The following AP1S3 variants were observed in gnomAD, a reference collection of about 807,000 sequenced individuals.
AP1S3 encodes adaptor related protein complex 1 subunit sigma 3.
Under a neutral mutation model 20.9 loss-of-function variants are expected in AP1S3, and 10 were observed. The ratio of observed to expected loss-of-function variants is 0.48; its 90% CI spans 0.29 to 0.81. AP1S3 has a LOEUF of 0.81. Ranked by LOEUF, AP1S3 falls within the 30% of genes least tolerant of loss-of-function variation. The pLI, the probability that AP1S3 is intolerant of heterozygous loss-of-function variation, is 0.08. For missense variants in AP1S3, 154 were observed against 183.8 expected, an observed-to-expected ratio of 0.84 and a Z score of 0.94; for synonymous variants, 41 against 61.5, an observed-to-expected ratio of 0.67 and a Z score of 1.56.
At chr2:223,760,051 C>T (rs1281265582) in intron 4 of AP1S3, among the ~76,000 whole-genome samples, 2 of 152,042 alleles carry the variant, frequency 1.3e-5, no homozygotes, top group South Asian at 2.1e-4. Context: ...AACAGACTCA[C>T]AATTACAGGT....
chr2:223,770,135 A>G, intron 3 of AP1S3: 1 of 1,515,066 alleles, frequency 6.6e-7, no homozygotes, highest in Non-Finnish European at 8.8e-7. Flanking sequence ...AGAAACAAAA[A>G]GAAATCACAA....
chr2:223,763,182 G>T (rs1367578700), intron 4 of AP1S3, among the ~76,000 whole-genome samples: 1 of 152,104 alleles, frequency 6.6e-6, no homozygotes, highest in Non-Finnish European at 1.5e-5. Flanking sequence ...TCACCATAGG[G>T]ACACCAGGGC....
At chr2:223,780,337 AGAGAGAGAGAGAGAGAGAGAGTGT>A (rs1559280803) in intron 1 of AP1S3, among the ~76,000 whole-genome samples, 12 of 125,306 alleles carry the variant, frequency 9.6e-5, no homozygotes, top group African/African-American at 4.0e-4. Context: ...AGAGAGAGAG[AGAGAGAGAGAGAGAGAGAGAGTGT>A]GTGTGTGTGT....
Position 223,772,102 on chromosome 2 carries a change from C to T in AP1S3, c.291+3799G>A, listed in dbSNP as rs184980355. ...AGCCTGGGCAACAAGAGCGAGACTCCGTCTCAAAAAAATAAATAAATAAAA... is the reference window on the plus strand; with the variant it reads ...AGCCTGGGCAACAAGAGCGAGACTCTGTCTCAAAAAAATAAATAAATAAAA... On this transcript the variant is annotated intron_variant, in intron 3 of 4. Coordinates refer to ENST00000396654, the MANE Select transcript of AP1S3 (RefSeq NM_001039569.2). 7.2e-4 allele frequency among the ~76,000 whole-genome samples: 109 copies of T among 152,020 alleles called. 1 individual carries two copies. The highest frequency in any genetic ancestry group is 1.9e-3 in the African/African-American group (78 of 41,508).
intron 1 of AP1S3, among the ~76,000 whole-genome samples, chr2:223,800,643 C>T (rs1559138462): frequency 6.6e-6 from 1 of 152,078 alleles, no homozygotes; most frequent in Non-Finnish European, 1.5e-5. Context: ...AACATCAATT[C>T]ATGATAAAAC....
intron 4 of AP1S3, among the ~76,000 whole-genome samples, chr2:223,764,529 A>G (rs2054543693): frequency 6.6e-6 from 1 of 152,146 alleles, no homozygotes; most frequent in Non-Finnish European, 1.5e-5. Context: ...TAGAAATCCC[A>G]GAGTCCAGGG....
rs898761917 is a variant in AP1S3 at position 223,809,376 on chromosome 2, G to A, written c.3+28072C>T. On this transcript the variant is annotated intron_variant, in intron 1 of 4. Transcript: ENST00000396654. ...AACCCCACTTCTGGCTGGGCATGGT[G>A]GCTCACACCTATAATCCCAGCACTT... is the stretch of plus-strand genomic sequence containing the variant. 2.0e-5 allele frequency among the ~76,000 whole-genome samples: 3 copies of A among 152,134 alleles called. No homozygotes were observed. The South Asian group carries it at 6.2e-4, about 32-fold the overall frequency.
chr2:223,813,772 G>A (rs1190048931), intron 1 of AP1S3, among the ~76,000 whole-genome samples: 2 of 152,208 alleles, frequency 1.3e-5, no homozygotes, highest in Non-Finnish European at 2.9e-5. Flanking sequence ...TTGAGTGAAA[G>A]AGGTAAGAAG....
In AP1S3 at chr2:223,757,377, C is replaced by T. The variant is rs901279149; in HGVS notation, c.*1338G>A. On this transcript the variant is annotated 3_prime_UTR_variant, in exon 5 of 5. Transcript: ENST00000396654. ...CCTTGTTGGCGAGGATGGTCTTGAT[C>T]TCTTGACCTTGTGATCCGCCCACCT... 2.5e-5 allele frequency: 4 copies of T among 160,474 alleles called. No homozygotes were observed. The highest frequency in any genetic ancestry group is 5.3e-5 in the Non-Finnish European group (4 of 75,722). 9.9% of individuals were successfully genotyped at this position (160,474 alleles called of 1,614,324 possible). A position where few individuals can be genotyped will look rare whatever the true frequency, so the allele number is the denominator to read the frequency against.
chr2:223,796,254 GC>G (rs1394064973), intron 1 of AP1S3, among the ~76,000 whole-genome samples: 1 of 152,100 alleles, frequency 6.6e-6, no homozygotes, highest in African/African-American at 2.4e-5. Flanking sequence ...ATCAAGGCAG[GC>G]AAAAACAATC....
chr2:223,769,932 G>C (rs993637271), intron 3 of AP1S3, among the ~76,000 whole-genome samples: 2 of 151,840 alleles, frequency 1.3e-5, no homozygotes, highest in Admixed American at 1.3e-4. Flanking sequence ...TTTTAGTAGA[G>C]ACGGGGTTTC....
intron 1 of AP1S3, among the ~76,000 whole-genome samples, chr2:223,809,196 C>G (rs1304141497): frequency 6.6e-6 from 1 of 152,220 alleles, no homozygotes; most frequent in Admixed American, 6.5e-5. Flanking sequence ...CCTGCAAGGC[C>G]ATACTCAACA....
chr2:223,826,481 T>TA (rs1470980604), intron 1 of AP1S3, among the ~76,000 whole-genome samples: 1 of 152,038 alleles, frequency 6.6e-6, no homozygotes, highest in Non-Finnish European at 1.5e-5. Flanking sequence ...TAATCCCAGC[T>TA]AATTGAGAGG....
intron 1 of AP1S3, among the ~76,000 whole-genome samples, chr2:223,833,399 C>T (rs930255157): frequency 2.0e-5 from 3 of 152,172 alleles, no homozygotes; most frequent in African/African-American, 7.2e-5. Context: ...AGCCCTAACA[C>T]TGTTTTCCAA....
intron 1 of AP1S3, among the ~76,000 whole-genome samples, chr2:223,821,565 T>C (rs1003221401): frequency 1.3e-5 from 2 of 152,206 alleles, no homozygotes. Flanking sequence ...CTTGATCTCA[T>C]TGAAGCCAAA....
intron 4 of AP1S3, among the ~76,000 whole-genome samples, chr2:223,760,165 C>T (rs1443207504): frequency 1.3e-5 from 2 of 152,092 alleles, no homozygotes; most frequent in Non-Finnish European, 2.9e-5. Flanking sequence ...TTGTGTCACA[C>T]CAGGGCCCCA....
intron 1 of AP1S3, among the ~76,000 whole-genome samples, chr2:223,828,455 C>G (rs1383753696): frequency 1.3e-5 from 2 of 151,990 alleles, no homozygotes; most frequent in African/African-American, 4.8e-5. Context: ...CACCACCATG[C>G]CCAGCTAATT....
chr2:223,837,235 C>T (rs1692424946), intron 1 of AP1S3, among the ~76,000 whole-genome samples: 2 of 151,514 alleles, frequency 1.3e-5, no homozygotes. Flanking sequence ...GGCGCCGCGG[C>T]GCCGCGTTGC....
chr2:223,824,440 G>A (rs1390241723), intron 1 of AP1S3, among the ~76,000 whole-genome samples: 1 of 152,230 alleles, frequency 6.6e-6, no homozygotes, highest in Non-Finnish European at 1.5e-5. Context: ...TGGAAGGTAA[G>A]GTAAGGTCAT....
Sources: gnomAD v4.1 joint callset for allele counts (sites outside exome capture counted in the v4.1 genomes callset) on GRCh38, gnomAD v4.1.1 for gene constraint, MANE v1.5 for transcripts, NCBI Gene and HGNC (gene_info 2026-07-23, HGNC 2026-07-21) for gene names.